The following NUDT21 variants were observed in gnomAD, a reference collection of about 807,000 sequenced individuals.
The protein encoded by NUDT21 is cleavage and polyadenylation specificity factor subunit 5.
Under a neutral mutation model 29.8 loss-of-function variants are expected in NUDT21, and 5 were observed. That is an observed-to-expected ratio of 0.17 (90% CI 0.09 to 0.35). The LOEUF is 0.35. Ranked by LOEUF, NUDT21 falls within the 10% of genes least tolerant of loss-of-function variation. The pLI, the probability that NUDT21 is intolerant of heterozygous loss-of-function variation, is 1.00. For missense variants in NUDT21, 76 were observed against 276.0 expected (o/e 0.28, Z 5.13); for synonymous variants, 113 against 98.5 (o/e 1.15, Z -0.87).
At chr16:56,435,743 TTATATATA>T (rs777245596) in intron 4 of NUDT21, among the ~76,000 whole-genome samples, 433 of 27,052 alleles carry the variant, frequency 0.016, 17 homozygotes, top group African/African-American at 0.036. Flanking sequence ...AAAAAAAAAA[TTATATATA>T]TATATATATA....
At chr16:56,434,865 TC>T in intron 4 of NUDT21, 36 bp from the exon 5 acceptor site, 1 of 1,226,868 alleles carries the variant, frequency 8.2e-7, no homozygotes, top group Non-Finnish European at 1.2e-6. Flanking sequence ...TAATATGTAT[TC>T]CATGGCTTCA....
At chr16:56,434,147 T>C (rs1290020041) in intron 6 of NUDT21, among the ~76,000 whole-genome samples, 184 bp downstream of exon 6, 1 of 152,226 alleles carries the variant, frequency 6.6e-6, no homozygotes, top group Non-Finnish European at 1.5e-5. Context: ...ATGCCGAAAC[T>C]TAAGAGTCTG....
intron 6 of NUDT21, among the ~76,000 whole-genome samples, chr16:56,433,962 C>T (rs1456146958): frequency 6.6e-6 from 1 of 152,238 alleles, no homozygotes; most frequent in Non-Finnish European, 1.5e-5. Context: ...GCTGGGATTA[C>T]AGGCATGAGC....
At chr16:56,446,720 A>T (rs760548698) in intron 2 of NUDT21, 31 bp from the exon 3 acceptor site, 1 of 1,351,248 alleles carries the variant, frequency 7.4e-7, no homozygotes, top group Non-Finnish European at 1.0e-6. Flanking sequence ...TCAGCTTTCA[A>T]CTTAATACAA....
In NUDT21 at chr16:56,448,696, C is replaced by T. The variant is rs1042453886; in HGVS notation, c.117-707G>A. On this transcript the variant is annotated intron_variant, in intron 1 of 6. Coordinates refer to ENST00000300291, the MANE Select transcript of NUDT21 (RefSeq NM_007006.3). ...AAAATATGGCTCAAACTGTTAAAGA[C>T]AGTTTTCATCTTGCCTAATAAGGAT... 3.3e-5 allele frequency among the ~76,000 whole-genome samples: 5 copies of T among 152,260 alleles called. No homozygotes were observed. The South Asian group carries it at 1.0e-3, about 32-fold the overall frequency.
intron 3 of NUDT21, 188 bp downstream of exon 3, chr16:56,446,438 C>T (rs1243963595): frequency 1.8e-5 from 9 of 508,358 alleles, no homozygotes; most frequent in Non-Finnish European, 3.1e-5. Context: ...CACAGTTTAA[C>T]ATTTTAAAAA....
chr16:56,444,118 A>G (rs1161459749), intron 3 of NUDT21, among the ~76,000 whole-genome samples: 1 of 152,082 alleles, frequency 6.6e-6, no homozygotes, highest in Non-Finnish European at 1.5e-5. Context: ...CATCTCTATA[A>G]AAAACTTTTC....
At chr16:56,439,827 G>A (rs1962141109) in intron 3 of NUDT21, 81 bp from the exon 4 acceptor site, 1 of 1,066,516 alleles carries the variant, frequency 9.4e-7, no homozygotes. Flanking sequence ...AAAATTCTTA[G>A]CAGTGCTCCT....
chr16:56,434,204 G>C, intron 6 of NUDT21, 127 bp downstream of exon 6: 1 of 667,590 alleles, frequency 1.5e-6, no homozygotes, highest in Non-Finnish European at 2.7e-6. Context: ...CATGATCTAA[G>C]AGTCTATCTA....
intron 5 of NUDT21, 70 bp from the exon 6 acceptor site, chr16:56,434,515 C>A: frequency 1.1e-6 from 1 of 911,812 alleles, no homozygotes; most frequent in Non-Finnish European, 1.7e-6. Context: ...TTTTAAATTA[C>A]CAATTTTACA....
At chr16:56,450,661 A>G (rs1453457885) in intron 1 of NUDT21, among the ~76,000 whole-genome samples, 1 of 152,250 alleles carries the variant, frequency 6.6e-6, no homozygotes, top group East Asian at 1.9e-4. Context: ...TTACTGTCAG[A>G]GTGAAATCTG....
chr16:56,446,560 A>G, intron 3 of NUDT21, 66 bp downstream of exon 3: 3 of 848,652 alleles, frequency 3.5e-6, no homozygotes, highest in Non-Finnish European at 5.8e-6. Flanking sequence ...CATCCTTTTT[A>G]CAAGACATTA....
chr16:56,449,887 T>TAC (rs1436766249), intron 1 of NUDT21, among the ~76,000 whole-genome samples: 17 of 152,080 alleles, frequency 1.1e-4, no homozygotes, highest in African/African-American at 3.6e-4. Flanking sequence ...GTGCTGGGAG[T>TAC]ACAGTCGTGA....
chr16:56,442,013 C>T (rs1226649178), intron 3 of NUDT21, among the ~76,000 whole-genome samples: 1 of 152,326 alleles, frequency 6.6e-6, no homozygotes, highest in South Asian at 2.1e-4. Context: ...CCTCAGCCTC[C>T]CCTGCCCCCA....
rs1318617450 is a variant in NUDT21, at chr16:56,434,781, ACTT to A, written c.517_519del (p.Lys173del). 1.2e-6 allele frequency: 2 copies of A among 1,603,520 alleles called. No individual in the cohort carries two copies. Among genetic ancestry groups the A allele is most frequent in the Non-Finnish European group, 1.7e-6 (2 of 1,171,756 alleles). On this transcript the variant is annotated inframe_deletion, in exon 5 of 7. Transcript: ENST00000300291. ...TTTTCTTGAAGCTGAACCAGAAACAACTTCTTATGTTCCTTAGGCTTTGTAATA... is the reference window on the plus strand; with the variant it reads ...TTTTCTTGAAGCTGAACCAGAAACAACTTATGTTCCTTAGGCTTTGTAATA...
intron 1 of NUDT21, among the ~76,000 whole-genome samples, chr16:56,449,415 G>A (rs1962253540): frequency 6.6e-6 from 1 of 152,148 alleles, no homozygotes; most frequent in Non-Finnish European, 1.5e-5. Flanking sequence ...AGGCATTCAT[G>A]CAATATTTCC....
chr16:56,447,367 T>C (rs1396823264), intron 2 of NUDT21, among the ~76,000 whole-genome samples: 1 of 152,192 alleles, frequency 6.6e-6, no homozygotes, highest in Non-Finnish European at 1.5e-5. Context: ...GTCAAATAGT[T>C]ACGGATCAAA....
intron 3 of NUDT21, among the ~76,000 whole-genome samples, chr16:56,440,509 A>G (rs1962147171): frequency 6.6e-6 from 1 of 152,130 alleles, no homozygotes; most frequent in Admixed American, 6.5e-5. Context: ...AGCTTTTCAT[A>G]CCTTCCTTGT....
chr16:56,450,662 G>A (rs958673164), intron 1 of NUDT21, among the ~76,000 whole-genome samples: 1 of 152,230 alleles, frequency 6.6e-6, no homozygotes, highest in Non-Finnish European at 1.5e-5. Context: ...TACTGTCAGA[G>A]TGAAATCTGC....
Sources: allele counts gnomAD v4.1 joint callset (sites outside exome capture counted in the v4.1 genomes callset), GRCh38; gene constraint gnomAD v4.1.1; transcripts MANE v1.5; gene names NCBI Gene and HGNC (gene_info 2026-07-23, HGNC 2026-07-21).